ATP13A4: variants seen among roughly 807,000 people sequenced by gnomAD.
ATP13A4 encodes probable cation-transporting ATPase 13A4.
A neutral mutation model predicts 142.5 loss-of-function variants in ATP13A4; 114 were observed. The observed-to-expected ratio is 0.80, with a 90% CI of 0.69 to 0.93. The LOEUF is 0.93. Among genes scored for constraint, ATP13A4 ranks in the 40% least tolerant of loss-of-function variants. The pLI is 0.00. For synonymous variants in ATP13A4, 488 were observed against 514.8 expected, an observed-to-expected ratio of 0.95 and a Z score of 0.70; for missense variants, 1,392 against 1,454.0, an observed-to-expected ratio of 0.96 and a Z score of 0.69.
Position 193,412,372 on chromosome 3 carries a change from C to G in ATP13A4, c.3015-1G>C. 6.2e-7 allele frequency: 1 copy of G among 1,613,906 alleles called. No homozygotes were observed. The highest frequency in any genetic ancestry group is 8.5e-7 in the Non-Finnish European group (1 of 1,179,932). On this transcript the variant is annotated splice_acceptor_variant, in intron 26 of 29. Coordinates refer to ENST00000342695, the MANE Select transcript of ATP13A4 (RefSeq NM_032279.4). LOFTEE classifies it high-confidence loss of function. The stretch of plus-strand genomic sequence containing the variant: ...GCTTTCATTTTGTACTGTGCAGGCA[C>G]TAAAAGGGAAAACCAAAGAAGCTAA...
At chr3:193,442,661 G>A in intron 18 of ATP13A4, 105 bp from the exon 19 acceptor site, 1 of 1,134,012 alleles carries the variant, frequency 8.8e-7, no homozygotes, top group South Asian at 1.3e-5. Context: ...TTTCAGGTAT[G>A]AAGAGAAATG....
At chr3:193,476,289 G>A (rs1300129596) in intron 8 of ATP13A4, among the ~76,000 whole-genome samples, 1 of 152,024 alleles carries the variant, frequency 6.6e-6, no homozygotes, top group Non-Finnish European at 1.5e-5. Context: ...TATGGAGATG[G>A]CTTCTTTCTT....
At chr3:193,471,985 A>G (rs1718655919) in intron 8 of ATP13A4, among the ~76,000 whole-genome samples, 1 of 152,114 alleles carries the variant, frequency 6.6e-6, no homozygotes, top group Admixed American at 6.5e-5. Context: ...AAGGGCCCCC[A>G]TGGTGGCAGT....
At chr3:193,582,366 C>G (rs1724566728) in intron 1 of ATP13A4, among the ~76,000 whole-genome samples, 1 of 149,370 alleles carries the variant, frequency 6.7e-6, no homozygotes, top group South Asian at 2.1e-4. Flanking sequence ...CGAAGATGTT[C>G]TCCATCTCCT....
At chr3:193,507,312 C>A (rs1338825030) in intron 2 of ATP13A4, among the ~76,000 whole-genome samples, 2 of 152,070 alleles carry the variant, frequency 1.3e-5, no homozygotes, top group African/African-American at 4.8e-5. Flanking sequence ...TGGTAAAATT[C>A]TTTTATTTTT....
At chr3:193,541,007 T>C (rs942455437) in intron 1 of ATP13A4, among the ~76,000 whole-genome samples, 2 of 152,220 alleles carry the variant, frequency 1.3e-5, no homozygotes, top group Admixed American at 6.5e-5. Flanking sequence ...CCCAGCACTT[T>C]GGGAGGCCGA....
chr3:193,505,556 A>G (rs1365007780), intron 2 of ATP13A4, among the ~76,000 whole-genome samples: 2 of 152,178 alleles, frequency 1.3e-5, no homozygotes, highest in African/African-American at 4.8e-5. Context: ...ATAATTCTGT[A>G]TGATACAAAG....
chr3:193,436,147 A>T (rs545887766), intron 23 of ATP13A4, among the ~76,000 whole-genome samples: 14 of 152,332 alleles, frequency 9.2e-5, no homozygotes, highest in African/African-American at 3.4e-4. Flanking sequence ...TTTAAATAAA[A>T]TTCCAGATTC....
chr3:193,522,716 C>T (rs1477322587), intron 1 of ATP13A4, among the ~76,000 whole-genome samples: 4 of 152,134 alleles, frequency 2.6e-5, no homozygotes, highest in Middle Eastern at 3.2e-3. Context: ...TCCCCTTAAA[C>T]AGGTTTTCAC....
intron 25 of ATP13A4, among the ~76,000 whole-genome samples, chr3:193,422,464 A>G (rs1715454774): frequency 6.7e-6 from 1 of 149,850 alleles, no homozygotes; most frequent in South Asian, 2.1e-4. Flanking sequence ...TCCAGTTTAG[A>G]TCATATGGTA....
In ATP13A4 at chr3:193,444,018, T is replaced by A. The variant is rs1716803763; in HGVS notation, c.2153-1462A>T. Among the ~76,000 whole-genome samples, 4 of 151,508 alleles carry A rather than the reference T, an allele frequency of 2.6e-5. No homozygotes were observed. In the South Asian group the frequency reaches 8.3e-4, roughly 31 times the overall value. ...AAAAAGGTTGAAAAAGAAAAAAAAATTGACAAAATAATAGGAGAAATTTTC... is the reference window on the plus strand; with the variant it reads ...AAAAAGGTTGAAAAAGAAAAAAAAAATGACAAAATAATAGGAGAAATTTTC... On this transcript the variant is annotated intron_variant, in intron 18 of 29. Coordinates refer to ENST00000342695, the MANE Select transcript of ATP13A4 (RefSeq NM_032279.4).
chr3:193,510,230 C>T (rs978837792), intron 2 of ATP13A4, among the ~76,000 whole-genome samples: 4 of 152,156 alleles, frequency 2.6e-5, no homozygotes, highest in African/African-American at 7.2e-5. Flanking sequence ...AGATGACATT[C>T]GCGTGGCTGA....
At chr3:193,501,972 T>C (rs1720569277) in intron 3 of ATP13A4, among the ~76,000 whole-genome samples, 1 of 151,976 alleles carries the variant, frequency 6.6e-6, no homozygotes, top group African/African-American at 2.4e-5. Context: ...TTAGAGCTAA[T>C]ATGTAAGAGC....
At chr3:193,508,475 C>T (rs74370002) in intron 2 of ATP13A4, among the ~76,000 whole-genome samples, 2,382 of 152,260 alleles carry the variant, frequency 0.016, 81 homozygotes, top group African/African-American at 0.055. Context: ...TGTTTAATTT[C>T]TCTATGCCTC....
intron 28 of ATP13A4, among the ~76,000 whole-genome samples, chr3:193,408,909 A>C (rs1056954725): frequency 6.6e-6 from 1 of 152,202 alleles, no homozygotes; most frequent in Non-Finnish European, 1.5e-5. Context: ...CTCTTGCATA[A>C]CTAAACTCAA....
At chr3:193,559,380 C>T (rs890416061), upstream of ATP13A4, among the ~76,000 whole-genome samples, 4 of 152,114 alleles carry the variant, frequency 2.6e-5, no homozygotes, top group African/African-American at 9.7e-5. Flanking sequence ...CTCCTCAGCC[C>T]TCATTACACA....
At position 193,457,112 on chromosome 3, in the gene ATP13A4, G is replaced by A. The variant is rs377322796; in HGVS notation, c.1803C>T (p.Phe601=). The part of the protein sequence containing the change: ...EGIAILHQFP[F]SSALQRMTVI... ...CTGTCATTCTTTGCAGTGCCGATGA[G>A]AATGGGAACTGATGCAGGATTGCAA... Residue 601 remains phenylalanine (F), a synonymous_variant, in exon 16 of 30, where the codon TTC becomes TTT. Transcript: ENST00000342695. 54 of 1,613,576 alleles carry A rather than the reference G, an allele frequency of 3.3e-5. No homozygotes were observed. In the African/African-American group the frequency reaches 5.3e-4, roughly 16 times the overall value.
intron 9 of ATP13A4, among the ~76,000 whole-genome samples, chr3:193,469,106 C>T (rs1035662201): frequency 1.3e-5 from 2 of 151,972 alleles, no homozygotes; most frequent in East Asian, 3.9e-4. Context: ...ACTTAGAGAC[C>T]AAGTATAGAG....
At chr3:193,541,228 G>T (rs529402664) in intron 1 of ATP13A4, among the ~76,000 whole-genome samples, 1 of 124,026 alleles carries the variant, frequency 8.1e-6, no homozygotes, top group East Asian at 2.4e-4. Context: ...CAGCCTGGGC[G>T]ACAGAGCGAG....
Sources: allele counts gnomAD v4.1 joint callset (sites outside exome capture counted in the v4.1 genomes callset), GRCh38; gene constraint gnomAD v4.1.1; transcripts MANE v1.5; gene names NCBI Gene and HGNC (gene_info 2026-07-23, HGNC 2026-07-21).